Variants in GRM7 observed in about 807,000 individuals in gnomAD.
The protein encoded by GRM7 is metabotropic glutamate receptor 7.
GRM7 carries 35 observed loss-of-function variants against 84.5 expected under a neutral mutation model. The ratio of observed to expected loss-of-function variants is 0.41; its 90% CI spans 0.32 to 0.55. GRM7 has a LOEUF of 0.55. Ranked by LOEUF, GRM7 falls within the 20% of genes least tolerant of loss-of-function variation. GRM7 has a pLI of 0.19. For synonymous variants in GRM7, 487 were observed against 455.1 expected, an observed-to-expected ratio of 1.07 and a Z score of -0.89; for missense variants, 1,003 against 1,194.6, an observed-to-expected ratio of 0.84 and a Z score of 2.36.
chr3:7,727,472 A>C (rs753673672), intron 9 of GRM7, among the ~76,000 whole-genome samples: 1 of 152,186 alleles, frequency 6.6e-6, no homozygotes, highest in Non-Finnish European at 1.5e-5. Context: ...TCTTTGACTC[A>C]GAGGAGTTGC....
chr3:6,970,983 A>AAAC (rs1693731422), intron 1 of GRM7, among the ~76,000 whole-genome samples: 16 of 148,976 alleles, frequency 1.1e-4, no homozygotes, highest in African/African-American at 3.0e-4. Flanking sequence ...CTCTGTCTCA[A>AAAC]AAACAAACAA....
At chr3:7,257,201 T>G (rs1228437903) in intron 2 of GRM7, among the ~76,000 whole-genome samples, 3 of 152,168 alleles carry the variant, frequency 2.0e-5, no homozygotes, top group African/African-American at 7.2e-5. Flanking sequence ...AGAAGGGTGT[T>G]TTCTATGGAA....
intron 2 of GRM7, among the ~76,000 whole-genome samples, chr3:7,153,558 A>G (rs1187132513): frequency 6.6e-6 from 1 of 152,148 alleles, no homozygotes; most frequent in East Asian, 1.9e-4. Context: ...TAATGATACA[A>G]GTGGTTATGT....
At chr3:7,558,059 G>T (rs548242258) in intron 7 of GRM7, among the ~76,000 whole-genome samples, 105 of 141,416 alleles carry the variant, frequency 7.4e-4, no homozygotes, top group African/African-American at 2.6e-3. Context: ...ATAGAAAACT[G>T]GTAAAAGCAT....
chr3:7,605,559 T>A (rs1696522395), intron 8 of GRM7, among the ~76,000 whole-genome samples: 1 of 152,130 alleles, frequency 6.6e-6, no homozygotes, highest in Admixed American at 6.5e-5. Flanking sequence ...ATACCTAGCA[T>A]ACTAAGAATA....
chr3:7,424,309 GAAAAAGA>G (rs963303133), intron 5 of GRM7, among the ~76,000 whole-genome samples: 77 of 151,730 alleles, frequency 5.1e-4, no homozygotes, highest in African/African-American at 1.7e-3. Flanking sequence ...AAAAAAAAAG[GAAAAAGA>G]AAAAAGAAAA....
At chr3:7,737,433 A>C (rs1702541834) in intron 9 of GRM7, among the ~76,000 whole-genome samples, 1 of 152,230 alleles carries the variant, frequency 6.6e-6, no homozygotes, top group African/African-American at 2.4e-5. Context: ...CTATTTTAAA[A>C]TAAAAAGTAT....
chr3:7,472,055 G>C (rs1416984785), intron 7 of GRM7, among the ~76,000 whole-genome samples: 12 of 152,060 alleles, frequency 7.9e-5, no homozygotes, highest in Non-Finnish European at 8.8e-5. Context: ...TGCTCTATTA[G>C]TTCCCAAAAG....
intron 1 of GRM7, among the ~76,000 whole-genome samples, chr3:7,110,043 T>C (rs1405783772): frequency 6.6e-6 from 1 of 152,110 alleles, no homozygotes; most frequent in Non-Finnish European, 1.5e-5. Flanking sequence ...TAAATGACAA[T>C]TTAAAAAATA....
intron 1 of GRM7, among the ~76,000 whole-genome samples, chr3:6,918,835 A>G (rs1397124074): frequency 6.6e-6 from 1 of 152,162 alleles, no homozygotes; most frequent in African/African-American, 2.4e-5. Context: ...GTGATTTTGG[A>G]CATACTGCAC....
chr3:7,195,724 T>C (rs1695856092), intron 2 of GRM7, among the ~76,000 whole-genome samples: 1 of 152,042 alleles, frequency 6.6e-6, no homozygotes, highest in Admixed American at 6.6e-5. Context: ...AGAGATAGAC[T>C]TTGGGGAGGC....
At chr3:7,143,521 T>C (rs185227039) in intron 1 of GRM7, among the ~76,000 whole-genome samples, 49 of 152,250 alleles carry the variant, frequency 3.2e-4, no homozygotes, top group African/African-American at 1.1e-3. Flanking sequence ...AGATATTCCT[T>C]ATTTACACCG....
At chr3:7,205,487 A>T (rs1236656313) in intron 2 of GRM7, among the ~76,000 whole-genome samples, 1 of 152,214 alleles carries the variant, frequency 6.6e-6, no homozygotes, top group African/African-American at 2.4e-5. Flanking sequence ...ATTCAGAACC[A>T]TACACCAAGT....
At chr3:7,009,700 A>C (rs1444968593) in intron 1 of GRM7, among the ~76,000 whole-genome samples, 5 of 152,154 alleles carry the variant, frequency 3.3e-5, no homozygotes, top group Non-Finnish European at 5.9e-5. Context: ...TTCTGTGCGC[A>C]CTGTCTGCCT....
intron 2 of GRM7, among the ~76,000 whole-genome samples, chr3:7,231,801 A>G (rs971885316): frequency 1.3e-5 from 2 of 152,280 alleles, no homozygotes; most frequent in South Asian, 4.1e-4. Flanking sequence ...TTTAAAACTT[A>G]AGCAGTCCAG....
At chr3:7,527,780 A>G (rs917049718) in intron 7 of GRM7, among the ~76,000 whole-genome samples, 3 of 151,980 alleles carry the variant, frequency 2.0e-5, no homozygotes, top group African/African-American at 7.2e-5. Flanking sequence ...GCCTATTGAG[A>G]TGATTGCATG....
intron 1 of GRM7, among the ~76,000 whole-genome samples, chr3:7,107,710 G>T (rs569201019): frequency 6.6e-6 from 1 of 152,152 alleles, no homozygotes; most frequent in African/African-American, 2.4e-5. Flanking sequence ...TTGGCAGGAG[G>T]TGTTTTTCAA....
intron 4 of GRM7, among the ~76,000 whole-genome samples, chr3:7,370,213 C>T (rs541011906): frequency 6.6e-6 from 1 of 152,178 alleles, no homozygotes; most frequent in East Asian, 1.9e-4. Flanking sequence ...ATTTTTTTTA[C>T]TACAAACTAG....
At chr3:7,362,527 G>A (rs1693710402) in intron 4 of GRM7, among the ~76,000 whole-genome samples, 1 of 151,896 alleles carries the variant, frequency 6.6e-6, no homozygotes, top group Admixed American at 6.6e-5. Context: ...TTTAAGTTAA[G>A]TATGATTCCT....
Sources: allele counts gnomAD v4.1 joint callset (sites outside exome capture counted in the v4.1 genomes callset), GRCh38; gene constraint gnomAD v4.1.1; transcripts MANE v1.5; gene names NCBI Gene and HGNC (gene_info 2026-07-23, HGNC 2026-07-21).